Variants in PSAP observed in about 807,000 individuals in gnomAD.
PSAP encodes the protein precursor of saposins.
Under a neutral mutation model 66.0 loss-of-function variants are expected in PSAP, and 25 were observed. That is an observed-to-expected ratio of 0.38 (90% confidence interval 0.28 to 0.53). The LOEUF (loss-of-function observed/expected upper bound fraction) is 0.53. Ranked by LOEUF, PSAP falls within the 20% of genes least tolerant of loss-of-function variation. The probability of loss-of-function intolerance (pLI) is 0.83; values close to 1 mark genes in which losing one functional copy is unlikely to be tolerated. For synonymous variants in PSAP, 273 were observed against 258.9 expected (o/e 1.05, Z -0.52); for missense variants, 649 against 668.8 (o/e 0.97, Z 0.33).
chr10:71,817,180 T>A lies in PSAP; in HGVS notation c.*261A>T, dbSNP rs1842183893. 9 of 565,042 alleles carry A rather than the reference T, an allele frequency of 1.6e-5. No individual in the cohort carries two copies. Among genetic ancestry groups the A allele is most frequent in the Non-Finnish European group, 2.2e-5 (7 of 315,010 alleles). 35.0% of individuals were successfully genotyped at this position (565,042 alleles called of 1,614,324 possible). A position where few individuals can be genotyped will look rare whatever the true frequency, so the allele number is the denominator to read the frequency against. ...CTCTCTCCTCCTCCAGCAGGCGCCA[T>A]GCAAGGGCAGGCTAAAAGACCTCCA... On this transcript the variant is annotated 3_prime_UTR_variant, in exon 14 of 14. Transcript: ENST00000394936.
intron 1 of PSAP, among the ~76,000 whole-genome samples, chr10:71,835,833 AAAAAAAC>A (rs1333986746): frequency 1.5e-4 from 20 of 133,382 alleles, no homozygotes; most frequent in South Asian, 2.5e-4. Flanking sequence ...AAAAAAAAAA[AAAAAAAC>A]AAAACACAAT....
At position 71,819,076 on chromosome 10, in the gene PSAP, C is replaced by G; in HGVS notation, c.1386G>C (p.Leu462=). 6.2e-7 allele frequency: 1 copy of G among 1,614,214 alleles called. No homozygotes were observed. Among genetic ancestry groups the G allele is most frequent in the Non-Finnish European group, 8.5e-7 (1 of 1,180,034 alleles). The change falls in exon 12 of 14, where the codon CTG becomes CTC. Residue 462 remains leucine (L), a synonymous_variant. Coordinates refer to ENST00000394936, the MANE Select transcript of PSAP (RefSeq NM_002778.4). The stretch of plus-strand genomic sequence containing the variant: ...CCATCACCTCCACCAGGATCTCGAT[C>G]AGCACGGGCTCGTACTCTGCCACAA... ...DQFVAEYEPV[L]IEILVEVMDP...
At chr10:71,823,024 G>T (rs727414) in intron 7 of PSAP, among the ~76,000 whole-genome samples, 29,781 of 149,654 alleles carry the variant, frequency 0.2, 2,962 homozygotes, top group East Asian at 0.25. Flanking sequence ...AAAAAAAAAA[G>T]ACGCCAATAT....
chr10:71,834,638 G>C (rs1358468980), intron 1 of PSAP, 133 bp from the exon 2 acceptor site: 14 of 1,160,686 alleles, frequency 1.2e-5, no homozygotes, highest in Non-Finnish European at 1.7e-5. Context: ...AAGCTGTATG[G>C]GACACCAGCC....
chr10:71,822,026 A>C lies in PSAP; in HGVS notation c.778-19T>G. 2.5e-6 allele frequency: 4 copies of C among 1,614,068 alleles called. No individual in the cohort carries two copies. The highest frequency in any genetic ancestry group is 2.5e-6 in the Non-Finnish European group (3 of 1,179,962). On this transcript the variant is annotated intron_variant, in intron 7 of 13. Coordinates refer to ENST00000394936, the MANE Select transcript of PSAP (RefSeq NM_002778.4). ...TGGGTTGCTGAAGAGAGCACAGAAC[A>C]ACCAGTCAGCAGCAAGCCTACGCCC...
At chr10:71,851,145 G>A (rs1842920607) in intron 1 of PSAP, 37 bp downstream of exon 1, 5 of 1,549,600 alleles carry the variant, frequency 3.2e-6, no homozygotes, top group Non-Finnish European at 8.7e-7. Context: ...GACGCTGCGA[G>A]GCACCTCCTC....
chr10:71,829,467 A>G (rs1012256249), intron 4 of PSAP, among the ~76,000 whole-genome samples: 8 of 152,090 alleles, frequency 5.3e-5, no homozygotes, highest in Non-Finnish European at 1.0e-4. Context: ...TGGTTTTATA[A>G]AGGGCAGTTC....
At chr10:71,820,365 C>A (rs929059968) in intron 8 of PSAP, 30 bp from the exon 9 acceptor site, 1 of 1,576,154 alleles carries the variant, frequency 6.3e-7, no homozygotes, top group Admixed American at 1.7e-5. Context: ...AGAGTACTTT[C>A]AATGCTGGGA....
intron 5 of PSAP, among the ~76,000 whole-genome samples, chr10:71,828,386 T>C (rs1221833835): frequency 6.6e-6 from 1 of 152,142 alleles, no homozygotes; most frequent in East Asian, 1.9e-4. Context: ...CCAGGCACAG[T>C]GGCTCACACC....
chr10:71,849,877 C>A (rs537041978), intron 1 of PSAP, among the ~76,000 whole-genome samples: 1 of 152,092 alleles, frequency 6.6e-6, no homozygotes, highest in Non-Finnish European at 1.5e-5. Context: ...AACCCTATAT[C>A]GCCTTCAATA....
intron 8 of PSAP, 60 bp from the exon 9 acceptor site, chr10:71,820,395 C>T: frequency 6.9e-7 from 1 of 1,447,332 alleles, no homozygotes; most frequent in South Asian, 1.1e-5. Flanking sequence ...CTTGGTCTTG[C>T]TCCCCTAAAG....
intron 12 of PSAP, 112 bp from the exon 13 acceptor site, chr10:71,818,836 A>G: frequency 5.6e-6 from 6 of 1,071,796 alleles, no homozygotes; most frequent in Non-Finnish European, 8.7e-6. Context: ...CAGCTCCACC[A>G]CGCTCTTTCA....
chr10:71,823,315 G>C (rs1003609389), intron 7 of PSAP, among the ~76,000 whole-genome samples: 2 of 152,166 alleles, frequency 1.3e-5, no homozygotes, highest in African/African-American at 2.4e-5. Context: ...AAAGGACCCT[G>C]TTACCCAGAG....
chr10:71,829,654 G>A (rs1027097239), intron 4 of PSAP, among the ~76,000 whole-genome samples: 7 of 152,092 alleles, frequency 4.6e-5, no homozygotes, highest in East Asian at 1.9e-4. Flanking sequence ...GCATGAAAAC[G>A]GACTAATACA....
intron 13 of PSAP, among the ~76,000 whole-genome samples, chr10:71,818,144 G>A (rs1003764649): frequency 1.3e-5 from 2 of 152,248 alleles, no homozygotes; most frequent in African/African-American, 4.8e-5. Flanking sequence ...GTGGCTGCCA[G>A]GCCAGGCCAG....
At chr10:71,821,458 T>C (rs1842299003) in intron 8 of PSAP, among the ~76,000 whole-genome samples, 1 of 152,196 alleles carries the variant, frequency 6.6e-6, no homozygotes, top group Non-Finnish European at 1.5e-5. Flanking sequence ...CACATGTACT[T>C]AGTATACAGG....
Position 71,827,405 on chromosome 10 carries a change from G to GAAA in PSAP, c.720+606_720+608dup, listed in dbSNP as rs56103602. ...CAGAGCGAGACTCCGTCTCAAAAAA[G>GAAA]AAAAAAAAAAAAGAAAAGAAAAGAA... On this transcript the variant is annotated intron_variant, in intron 6 of 13. Coordinates refer to ENST00000394936, the MANE Select transcript of PSAP (RefSeq NM_002778.4). 3.9e-4 allele frequency among the ~76,000 whole-genome samples: 51 copies of GAAA among 129,414 alleles called. 1 individual carries two copies. The highest frequency in any genetic ancestry group is 4.6e-4 in the African/African-American group (15 of 32,870). The allele number at this position is 129,414 out of a possible 152,430, so 84.9% of individuals were successfully genotyped here. A position where few individuals can be genotyped will look rare whatever the true frequency, so the allele number is the denominator to read the frequency against.
At chr10:71,827,531 A>G (rs763502632) in intron 6 of PSAP, among the ~76,000 whole-genome samples, 2 of 152,122 alleles carry the variant, frequency 1.3e-5, no homozygotes, top group Non-Finnish European at 2.9e-5. Context: ...GTTTGAGACC[A>G]GCCTGACAAA....
chr10:71,850,473 C>A (rs1564829549), intron 1 of PSAP, among the ~76,000 whole-genome samples: 1 of 152,098 alleles, frequency 6.6e-6, no homozygotes, highest in African/African-American at 2.4e-5. Context: ...ACCAAACCAA[C>A]GTATTTCTTA....
Sources: allele counts gnomAD v4.1 joint callset (sites outside exome capture counted in the v4.1 genomes callset), GRCh38; gene constraint gnomAD v4.1.1; transcripts MANE v1.5; gene names NCBI Gene and HGNC (gene_info 2026-07-23, HGNC 2026-07-21).